B3GALT1: variants seen among roughly 807,000 people sequenced by gnomAD.
B3GALT1 encodes the protein UDP-Gal:betaGlcNAc beta 1,3-galactosyltransferase, polypeptide 1.
B3GALT1 carries 10 observed loss-of-function variants against 23.2 expected under a neutral mutation model. The observed-to-expected ratio is 0.43, with a 90% CI of 0.27 to 0.73. The LOEUF is 0.73. B3GALT1 is among the 30% of genes least tolerant of loss of function. The pLI is 0.21. For missense variants in B3GALT1, 299 were observed against 405.4 expected (o/e 0.74, Z 2.25); for synonymous variants, 156 against 141.5 (o/e 1.10, Z -0.73).
At position 167,454,210 on chromosome 2, in the gene B3GALT1, T is replaced by TGC. The variant is rs1553519985; in HGVS notation, c.-510-35964_-510-35963dup. On this transcript the variant is annotated intron_variant, in intron 1 of 4. Coordinates refer to ENST00000392690, the MANE Select transcript of B3GALT1 (RefSeq NM_020981.4). ...TATAACAGGAAAGTGTGTGTGTGTG[T>TGC]GCGCACGCGCGCGTGCACGTGTGTG... 5.5e-3 allele frequency among the ~76,000 whole-genome samples: 817 copies of TGC among 149,542 alleles called. 9 individuals are homozygous for TGC. The highest frequency in any genetic ancestry group is 0.019 in the African/African-American group (747 of 38,936).
intron 3 of B3GALT1, among the ~76,000 whole-genome samples, chr2:167,648,085 T>C (rs1260499009): frequency 2.6e-5 from 4 of 152,184 alleles, no homozygotes; most frequent in African/African-American, 7.2e-5. Context: ...TGTAATCTTT[T>C]CTTTCAGTCT....
At chr2:167,516,411 ATCC>A (rs1700100726) in intron 2 of B3GALT1, among the ~76,000 whole-genome samples, 1 of 151,886 alleles carries the variant, frequency 6.6e-6, no homozygotes, top group African/African-American at 2.4e-5. Flanking sequence ...CTTCTATATC[ATCC>A]TCAGAATTAA....
At chr2:167,422,979 A>G (rs879259752) in intron 1 of B3GALT1, among the ~76,000 whole-genome samples, 33 of 152,218 alleles carry the variant, frequency 2.2e-4, no homozygotes, top group Non-Finnish European at 4.4e-4. Flanking sequence ...GACATGATCC[A>G]TGCCATAGAA....
chr2:167,485,096 A>C (rs1194363316), intron 1 of B3GALT1, among the ~76,000 whole-genome samples: 1 of 152,284 alleles, frequency 6.6e-6, no homozygotes, highest in East Asian at 1.9e-4. Context: ...CATGGCCTGA[A>C]CAAGTTTTTC....
chr2:167,369,608 A>G (rs1697647688), intron 1 of B3GALT1, among the ~76,000 whole-genome samples: 1 of 152,166 alleles, frequency 6.6e-6, no homozygotes, highest in Non-Finnish European at 1.5e-5. Flanking sequence ...AGGTGGTGAT[A>G]GTAATACTCA....
intron 2 of B3GALT1, among the ~76,000 whole-genome samples, chr2:167,635,506 G>T (rs1238924328): frequency 6.6e-6 from 1 of 152,064 alleles, no homozygotes; most frequent in Non-Finnish European, 1.5e-5. Flanking sequence ...GCAGTCTCAG[G>T]ATACAAAATC....
At chr2:167,723,636 T>C (rs899832908) in intron 3 of B3GALT1, among the ~76,000 whole-genome samples, 1 of 152,000 alleles carries the variant, frequency 6.6e-6, no homozygotes, top group Non-Finnish European at 1.5e-5. Context: ...GTTCAAGCAA[T>C]TCTCCTGTCT....
chr2:167,462,186 T>A (rs986127146), intron 1 of B3GALT1, among the ~76,000 whole-genome samples: 3 of 152,184 alleles, frequency 2.0e-5, no homozygotes, highest in Non-Finnish European at 4.4e-5. Flanking sequence ...GTTTGAGTGT[T>A]TATTACTTTT....
intron 1 of B3GALT1, among the ~76,000 whole-genome samples, chr2:167,423,008 C>A (rs1235162369): frequency 6.6e-6 from 1 of 152,092 alleles, no homozygotes; most frequent in Non-Finnish European, 1.5e-5. Flanking sequence ...GGGAGATTCC[C>A]AGCAAAGGAA....
At chr2:167,506,243 T>C (rs1244418985) in intron 2 of B3GALT1, among the ~76,000 whole-genome samples, 2 of 152,208 alleles carry the variant, frequency 1.3e-5, no homozygotes, top group Non-Finnish European at 1.5e-5. Context: ...TTTGATGTGA[T>C]TGTTGTCTTT....
intron 2 of B3GALT1, among the ~76,000 whole-genome samples, chr2:167,491,483 CTTTTTTTT>C (rs35378344): frequency 8.2e-6 from 1 of 122,024 alleles, no homozygotes; most frequent in Non-Finnish European, 1.7e-5. Flanking sequence ...TTTACTTTTG[CTTTTTTTT>C]TTTTTTTTTC....
chr2:167,323,141 A>T lies in B3GALT1; in HGVS notation c.-511+29807A>T, dbSNP rs572916456. ...CTACATAGACAAAAATGTACTTTAT[A>T]TGAGAGCATAGCCGTGCAAATCAGG... On this transcript the variant is annotated intron_variant, in intron 1 of 4. Transcript: ENST00000392690. Among the ~76,000 whole-genome samples the T allele has an allele frequency of 2.0e-5, 3 of 152,114 alleles. No individual in the cohort carries two copies. In the South Asian group the frequency reaches 6.2e-4, roughly 31 times the overall value.
intron 1 of B3GALT1, among the ~76,000 whole-genome samples, chr2:167,297,962 A>C (rs1327702612): frequency 6.6e-6 from 1 of 152,112 alleles, no homozygotes. Flanking sequence ...TGATATTGTC[A>C]ACTCAGTATT....
intron 2 of B3GALT1, among the ~76,000 whole-genome samples, chr2:167,569,168 C>T (rs1018583234): frequency 1.3e-5 from 2 of 151,804 alleles, no homozygotes; most frequent in Admixed American, 1.3e-4. Flanking sequence ...AGTTCTCCAA[C>T]TTTGTTCTTC....
At chr2:167,350,523 T>C (rs1167897426) in intron 1 of B3GALT1, among the ~76,000 whole-genome samples, 1 of 152,204 alleles carries the variant, frequency 6.6e-6, no homozygotes, top group Non-Finnish European at 1.5e-5. Flanking sequence ...GTTAGAAAGC[T>C]CACAGATTGC....
intron 3 of B3GALT1, among the ~76,000 whole-genome samples, chr2:167,780,881 C>A (rs7586591): frequency 0.98 from 148,691 of 152,342 alleles, 72,671 homozygotes; most frequent in East Asian, 1. Flanking sequence ...GAGTGATGAA[C>A]ATATTTTGTA....
At chr2:167,316,144 T>G (rs1696714303) in intron 1 of B3GALT1, among the ~76,000 whole-genome samples, 1 of 152,194 alleles carries the variant, frequency 6.6e-6, no homozygotes, top group African/African-American at 2.4e-5. Flanking sequence ...ACTAGGGTAT[T>G]TGGTGCAAAA....
intron 2 of B3GALT1, among the ~76,000 whole-genome samples, chr2:167,584,256 C>T (rs1435152176): frequency 6.6e-6 from 1 of 152,012 alleles, no homozygotes; most frequent in African/African-American, 2.4e-5. Context: ...ACAATGAAAC[C>T]AGTGTTAAGG....
At chr2:167,372,181 G>A (rs1697696365) in intron 1 of B3GALT1, among the ~76,000 whole-genome samples, 1 of 151,914 alleles carries the variant, frequency 6.6e-6, no homozygotes, top group Admixed American at 6.6e-5. Flanking sequence ...AAAAGCTAAT[G>A]TAACATTCAA....
Sources: gnomAD v4.1 joint callset for allele counts (sites outside exome capture counted in the v4.1 genomes callset) on GRCh38, gnomAD v4.1.1 for gene constraint, MANE v1.5 for transcripts, NCBI Gene and HGNC (gene_info 2026-07-23, HGNC 2026-07-21) for gene names.